SLC6A2: variants seen among roughly 807,000 people sequenced by gnomAD.
The protein encoded by SLC6A2 is sodium-dependent noradrenaline transporter.
Under a neutral mutation model 71.7 loss-of-function variants are expected in SLC6A2, and 26 were observed. That is an observed-to-expected ratio of 0.36 (90% CI 0.27 to 0.50). SLC6A2 has a LOEUF of 0.50. Among genes scored for constraint, SLC6A2 ranks in the 20% least tolerant of loss-of-function variants. The probability of loss-of-function intolerance (pLI) is 0.96; values close to 1 mark genes in which losing one functional copy is unlikely to be tolerated. For missense variants in SLC6A2, 581 were observed against 803.9 expected (o/e 0.72, Z 3.35); for synonymous variants, 363 against 337.9 (o/e 1.07, Z -0.82).
chr16:55,693,558 C>T (rs969929904), intron 6 of SLC6A2, among the ~76,000 whole-genome samples: 34 of 152,346 alleles, frequency 2.2e-4, no homozygotes, highest in Admixed American at 2.2e-3. Context: ...GGATTAAATA[C>T]GTAAGCCCCA....
Position 55,656,537 on chromosome 16 carries a change from C to G in SLC6A2, c.-51-107C>G. 1 of 907,916 alleles carries G rather than the reference C, an allele frequency of 1.1e-6. No individual in the cohort carries two copies. Among genetic ancestry groups the G allele is most frequent in the Non-Finnish European group, 1.7e-6 (1 of 572,652 alleles). The allele number at this position is 907,916 out of a possible 1,614,324, so 56.2% of individuals were successfully genotyped here. ...CCCTTTTCTGGGAACCCTGCGTCCGCTCAGCGCGCGCTCATCCCAGTGTCT... is the reference window on the plus strand; with the variant it reads ...CCCTTTTCTGGGAACCCTGCGTCCGGTCAGCGCGCGCTCATCCCAGTGTCT... On this transcript the variant is annotated intron_variant, in intron 1 of 14. Transcript: ENST00000568943. The surrounding 1 kb of genome is among the most constrained non-coding windows in gnomAD (Gnocchi z 4.5).
In SLC6A2 at chr16:55,671,943, G is replaced by A; in HGVS notation, c.412G>A (p.Gly138Ser). ...WKICPFFKGVGYAVILIALYV... is the reference protein window; with the variant it reads ...WKICPFFKGVSYAVILIALYV... ...TACCCCCTGTCCCTGCCCAGGCGTT[G>A]GCTATGCTGTCATCCTGATCGCCCT... The change falls in exon 4 of 15, where the codon GGC becomes AGC. Residue 138 changes from glycine (G) to serine (S), a missense_variant. By Grantham distance (56) the Gly-to-Ser change is moderately conservative (BLOSUM62 0). Around this residue, in one of 5 missense-constraint regions of SLC6A2, gnomAD observed 81 missense variants for 152.4 expected, o/e 0.53. Coordinates refer to ENST00000568943, the MANE Select transcript of SLC6A2 (RefSeq NM_001172501.3). 1 of 1,614,144 alleles carries A rather than the reference G, an allele frequency of 6.2e-7. No homozygotes were observed.
chr16:55,690,254 T>C (rs2142577335), intron 5 of SLC6A2, among the ~76,000 whole-genome samples: 1 of 152,346 alleles, frequency 6.6e-6, no homozygotes, highest in East Asian at 1.9e-4. Context: ...TGTGCCGGAT[T>C]CTGGGGATTC....
In SLC6A2 at chr16:55,705,111, G is replaced by T; in HGVS notation, c.*2765G>T. ...TTTGATATTTTTTCAGGTTTTTAAA[G>T]AATTATTATTTTTCATGAAATGTAA... On this transcript the variant is annotated 3_prime_UTR_variant, in exon 15 of 15. Transcript: ENST00000568943. 1 of 947,176 alleles carries T rather than the reference G, an allele frequency of 1.1e-6. No individual in the cohort carries two copies. Among genetic ancestry groups the T allele is most frequent in the South Asian group, 1.4e-5 (1 of 70,928 alleles). The allele number at this position is 947,176 out of a possible 1,614,324, so 58.7% of individuals were successfully genotyped here.
chr16:55,702,467 CTCT>C lies in SLC6A2; in HGVS notation c.*126_*128del. 1 of 1,583,544 alleles carries C rather than the reference CTCT, an allele frequency of 6.3e-7. No homozygotes were observed. The highest frequency in any genetic ancestry group is 8.6e-7 in the Non-Finnish European group (1 of 1,163,946). On this transcript the variant is annotated 3_prime_UTR_variant, in exon 15 of 15. Transcript: ENST00000568943. ...CCTGGAAGTTGTCCTTTCTGATCCTCTCTTCTTTTCCCATTTACAAATGATTTC... is the reference window on the plus strand; with the variant it reads ...CCTGGAAGTTGTCCTTTCTGATCCTCTCTTTTCCCATTTACAAATGATTTC...
At chr16:55,675,824 T>G (rs1296529291) in intron 4 of SLC6A2, among the ~76,000 whole-genome samples, 2 of 152,162 alleles carry the variant, frequency 1.3e-5, no homozygotes, top group Non-Finnish European at 2.9e-5. Flanking sequence ...AGGGCTCCTC[T>G]CCTTCAGTCC....
At position 55,685,215 on chromosome 16, in the gene SLC6A2, C is replaced by T. The variant is rs2142559863; in HGVS notation, c.717C>T (p.Leu239=). ...GCCTGCCCCAGTGGCAGCTCTTGCTCTGTCTGATGGTCGTCGTCATCGTCT... is the reference window on the plus strand; with the variant it reads ...GCCTGCCCCAGTGGCAGCTCTTGCTTTGTCTGATGGTCGTCGTCATCGTCT... ...DIGLPQWQLL[L]CLMVVVIVLY... The change falls in exon 5 of 15, where the codon CTC becomes CTT. Residue 239 remains leucine, a synonymous_variant. Transcript: ENST00000568943. 1 of 1,614,186 alleles carries T rather than the reference C, an allele frequency of 6.2e-7. No homozygotes were observed. The highest frequency in any genetic ancestry group is 1.3e-5 in the African/African-American group (1 of 75,052).
intron 4 of SLC6A2, among the ~76,000 whole-genome samples, chr16:55,683,279 A>G (rs187005202): frequency 2.6e-5 from 4 of 152,244 alleles, no homozygotes; most frequent in Admixed American, 6.5e-5. Context: ...AGGGACCCCA[A>G]TATTCTCAGA....
At chr16:55,659,157 C>T (rs1217108845) in intron 2 of SLC6A2, among the ~76,000 whole-genome samples, 2 of 152,162 alleles carry the variant, frequency 1.3e-5, no homozygotes, top group East Asian at 3.9e-4. Flanking sequence ...GTCACGGTCA[C>T]CAAGAGGCAT....
At chr16:55,687,441 C>A (rs576605953) in intron 5 of SLC6A2, among the ~76,000 whole-genome samples, 1 of 152,276 alleles carries the variant, frequency 6.6e-6, no homozygotes, top group South Asian at 2.1e-4. Context: ...AGGTGGCATT[C>A]GAGCTGGGTC....
At chr16:55,687,139 A>G in intron 5 of SLC6A2, among the ~76,000 whole-genome samples, 1 of 152,298 alleles carries the variant, frequency 6.6e-6, no homozygotes, top group East Asian at 1.9e-4. Context: ...GTCCCCATTT[A>G]ATAAAAACCT....
chr16:55,664,892 A>G (rs1205770146), intron 2 of SLC6A2, among the ~76,000 whole-genome samples: 1 of 152,070 alleles, frequency 6.6e-6, no homozygotes, highest in Non-Finnish European at 1.5e-5. Flanking sequence ...CACACTCCCC[A>G]TACGAATACC....
At chr16:55,657,931 G>A (rs1429944870) in intron 2 of SLC6A2, among the ~76,000 whole-genome samples, 1 of 100,052 alleles carries the variant, frequency 1.0e-5, no homozygotes, top group Admixed American at 1.1e-4. Flanking sequence ...CTTTTGCTGG[G>A]ATGAGCTCAG....
rs748840150 is a variant in SLC6A2, at chr16:55,698,572, TGTGA to T, written c.1489+8_1489+11del. The T allele has an allele frequency of 1.9e-6, 3 of 1,597,676 alleles. No individual in the cohort carries two copies. In the South Asian group the frequency reaches 3.3e-5, roughly 18 times the overall value. ...ATCGGAGTTTCCTGGTTTTATGGTA[TGTGA>T]GTGTGTGGAAAAGCCTCAGCTCCCA... On this transcript the variant is annotated splice_donor_5th_base_variant and intron_variant, in intron 11 of 14. Coordinates refer to ENST00000568943, the MANE Select transcript of SLC6A2 (RefSeq NM_001172501.3).
At chr16:55,683,589 G>A (rs535186119) in intron 4 of SLC6A2, among the ~76,000 whole-genome samples, 1 of 151,952 alleles carries the variant, frequency 6.6e-6, no homozygotes, top group African/African-American at 2.4e-5. Flanking sequence ...CTCCAGCCTG[G>A]GCAACAGTAG....
intron 2 of SLC6A2, among the ~76,000 whole-genome samples, chr16:55,662,033 C>T (rs1964623966): frequency 6.6e-6 from 1 of 152,188 alleles, no homozygotes; most frequent in African/African-American, 2.4e-5. Context: ...AGCTCAGATG[C>T]ACAATGAGCC....
At position 55,704,927 on chromosome 16, in the gene SLC6A2, C is replaced by A. The variant is rs570833546; in HGVS notation, c.*2581C>A. On this transcript the variant is annotated 3_prime_UTR_variant, in exon 15 of 15. Coordinates refer to ENST00000568943, the MANE Select transcript of SLC6A2 (RefSeq NM_001172501.3). ...GCCCTTGGAAGTTCTCGGGGAGGTGCTTGGAGATCATTTGGGTTTACCTTT... is the reference window on the plus strand; with the variant it reads ...GCCCTTGGAAGTTCTCGGGGAGGTGATTGGAGATCATTTGGGTTTACCTTT... 3.1e-5 allele frequency: 8 copies of A among 258,004 alleles called. No individual in the cohort carries two copies. The East Asian group carries it at 5.9e-4, about 19-fold the overall frequency. 16.0% of individuals were successfully genotyped at this position (258,004 alleles called of 1,614,324 possible). A position where few individuals can be genotyped will look rare whatever the true frequency, so the allele number is the denominator to read the frequency against.
chr16:55,702,760 AACT>A lies in SLC6A2; in HGVS notation c.*416_*418del, dbSNP rs1567461596. ...AGATACCCCTCCCAAAAAAAAAAAA[AACT>A]AAAACTAAAGCAAAAATCAAACAAA... On this transcript the variant is annotated 3_prime_UTR_variant, in exon 15 of 15. Transcript: ENST00000568943. 147 of 1,040,516 alleles carry A rather than the reference AACT, an allele frequency of 1.4e-4. 2 individuals are homozygous for A. Among genetic ancestry groups the A allele is most frequent in the African/African-American group, 6.3e-4 (35 of 55,280 alleles). The allele number at this position is 1,040,516 out of a possible 1,614,324, so 64.5% of individuals were successfully genotyped here. A position where few individuals can be genotyped will look rare whatever the true frequency, so the allele number is the denominator to read the frequency against.
At position 55,703,285 on chromosome 16, in the gene SLC6A2, C is replaced by T; in HGVS notation, c.*939C>T. 1.0e-6 allele frequency: 1 copy of T among 985,488 alleles called. No homozygotes were observed. Among genetic ancestry groups the T allele is most frequent in the Middle Eastern group, 5.2e-4 (1 of 1,916 alleles). The allele number at this position is 985,488 out of a possible 1,614,324, so 61.0% of individuals were successfully genotyped here. A position where few individuals can be genotyped will look rare whatever the true frequency, so the allele number is the denominator to read the frequency against. ...TCTTCACCGTGCTGTCCTCACAAGG[C>T]CAGGTGGGTGCCCAAAGGGAGCCTG... is the stretch of plus-strand genomic sequence containing the variant. On this transcript the variant is annotated 3_prime_UTR_variant, in exon 15 of 15. Transcript: ENST00000568943.
Sources: gnomAD v4.1 joint callset for allele counts (sites outside exome capture counted in the v4.1 genomes callset) on GRCh38, gnomAD v4.1.1 for gene constraint, gnomAD v4.1.1 regional missense constraint, Gnocchi (gnomAD v3.1) non-coding constraint, MANE v1.5 for transcripts, NCBI Gene and HGNC (gene_info 2026-07-23, HGNC 2026-07-21) for gene names.